The following DENND4A variants were observed in gnomAD, a reference collection of about 807,000 sequenced individuals.
The protein encoded by DENND4A is C-myc promoter-binding protein.
Under a neutral mutation model 199.3 loss-of-function variants are expected in DENND4A, and 70 were observed. That is an observed-to-expected ratio of 0.35 (90% confidence interval 0.29 to 0.43). The LOEUF (loss-of-function observed/expected upper bound fraction) is 0.43, where lower values mean the gene tolerates loss of function less well. Among genes scored for constraint, DENND4A ranks in the 20% least tolerant of loss-of-function variants. The pLI, the probability that DENND4A is intolerant of heterozygous loss-of-function variation, is 1.00. For missense variants in DENND4A, 1,723 were observed against 2,255.8 expected, an observed-to-expected ratio of 0.76 and a Z score of 4.78; for synonymous variants, 686 against 766.9, an observed-to-expected ratio of 0.89 and a Z score of 1.74.
At chr15:65,685,678 A>C (rs769032491) in intron 23 of DENND4A, among the ~76,000 whole-genome samples, 7 of 152,320 alleles carry the variant, frequency 4.6e-5, no homozygotes, top group Admixed American at 3.3e-4. Flanking sequence ...TAATATTTTC[A>C]ATCTGTGGTT....
chr15:65,716,012 T>C (rs949718349), intron 13 of DENND4A, among the ~76,000 whole-genome samples: 6 of 151,980 alleles, frequency 3.9e-5, no homozygotes, highest in East Asian at 3.9e-4. Context: ...GCAGTAACAT[T>C]CCCTCGTATT....
chr15:65,743,852 C>T (rs547238854), intron 4 of DENND4A, among the ~76,000 whole-genome samples: 1 of 152,252 alleles, frequency 6.6e-6, no homozygotes, highest in Non-Finnish European at 1.5e-5. Flanking sequence ...AAATGAAATA[C>T]TGATGGGAGA....
chr15:65,673,897 T>A (rs2076291932), intron 24 of DENND4A, among the ~76,000 whole-genome samples: 1 of 152,236 alleles, frequency 6.6e-6, no homozygotes, highest in South Asian at 2.1e-4. Flanking sequence ...ATCTAACTAA[T>A]CTACAGTATA....
chr15:65,667,643 T>C lies in DENND4A; in HGVS notation c.5047A>G (p.Ser1683Gly). The change falls in exon 29 of 33, where the codon AGT (serine) becomes GGT (glycine). Residue 1683 changes from serine (S) to glycine (G), a missense_variant. Physicochemically the swap from Ser to Gly is moderately conservative, Grantham distance 56 (BLOSUM62 0). Coordinates refer to ENST00000443035, the MANE Select transcript of DENND4A (RefSeq NM_001320835.1). ...SPDPVTVPYL[S>G]PLVVWKELES... is the part of the protein sequence containing the mutation. ...AGTTCTTTCCATACCACTAAAGGAC[T>C]AAGATACGGAACAGTGACAGGATCG... 6.2e-7 allele frequency: 1 copy of C among 1,613,926 alleles called. No individual in the cohort carries two copies. The highest frequency in any genetic ancestry group is 8.5e-7 in the Non-Finnish European group (1 of 1,179,818).
At chr15:65,748,985 C>A (rs2076489174) in intron 4 of DENND4A, among the ~76,000 whole-genome samples, 2 of 150,114 alleles carry the variant, frequency 1.3e-5, no homozygotes, top group Admixed American at 6.6e-5. Flanking sequence ...AGAACAAGAC[C>A]CTGTCTCTAA....
chr15:65,755,279 G>A (rs2076670884), intron 3 of DENND4A, among the ~76,000 whole-genome samples: 1 of 152,128 alleles, frequency 6.6e-6, no homozygotes, highest in African/African-American at 2.4e-5. Flanking sequence ...TTTCTTTTTG[G>A]CATGATAAAA....
intron 20 of DENND4A, among the ~76,000 whole-genome samples, chr15:65,698,770 C>T (rs2077246975): frequency 9.3e-6 from 1 of 107,716 alleles, no homozygotes; most frequent in African/African-American, 3.6e-5. Context: ...AGAGTCTCAA[C>T]TATGTTGCCC....
chr15:65,703,158 C>G (rs914440414), intron 15 of DENND4A, 150 bp from the exon 16 acceptor site: 1 of 638,872 alleles, frequency 1.6e-6, no homozygotes, highest in Non-Finnish European at 2.5e-6. Flanking sequence ...ATACACTCAA[C>G]AAATATTCAT....
intron 1 of DENND4A, among the ~76,000 whole-genome samples, chr15:65,768,139 C>T (rs2077032075): frequency 6.6e-6 from 1 of 152,014 alleles, no homozygotes; most frequent in Non-Finnish European, 1.5e-5. Context: ...GGACTATAGG[C>T]GCACACCACC....
chr15:65,771,845 C>T (rs2727102), intron 1 of DENND4A: 321,270 of 1,611,758 alleles, frequency 0.2, 39,947 homozygotes, highest in East Asian at 0.7. Flanking sequence ...CTTAAAACAG[C>T]ATAAGCATTC....
chr15:65,771,484 G>C (rs1214779955), intron 1 of DENND4A: 2 of 1,610,014 alleles, frequency 1.2e-6, no homozygotes, highest in African/African-American at 2.7e-5. Flanking sequence ...TGGGATAGAA[G>C]GAATAAGGAG....
intron 22 of DENND4A, among the ~76,000 whole-genome samples, chr15:65,692,852 C>T (rs1316762614): frequency 6.6e-6 from 1 of 152,100 alleles, no homozygotes; most frequent in African/African-American, 2.4e-5. Flanking sequence ...TTTGCAAAGT[C>T]AGTGATATGC....
chr15:65,719,642 C>A (rs2075543258), intron 12 of DENND4A, among the ~76,000 whole-genome samples: 1 of 152,092 alleles, frequency 6.6e-6, no homozygotes, highest in African/African-American at 2.4e-5. Flanking sequence ...GTAATCCTAG[C>A]ACTTTAGGAG....
Position 65,690,619 on chromosome 15 carries a change from A to G in DENND4A, c.3975T>C (p.Ser1325=), listed in dbSNP as rs182119018. Residue 1325 remains serine, a synonymous_variant, in exon 23 of 33, where the codon TCT becomes TCC. Coordinates refer to ENST00000443035, the MANE Select transcript of DENND4A (RefSeq NM_001320835.1). ...SEEKPRDRLW[S]SPAFSPTCPF... ...GGCAAGTAGGTGAGAAGGCTGGAGA[A>G]GACCAAAGTCTATCCCTTGGTTTCT... The G allele has an allele frequency of 1.3e-4, 212 of 1,613,732 alleles. 1 individual carries two copies. The African/African-American group carries it at 2.5e-3, about 19-fold the overall frequency.
intron 22 of DENND4A, among the ~76,000 whole-genome samples, chr15:65,695,355 A>G (rs1196438924): frequency 6.6e-6 from 1 of 152,230 alleles, no homozygotes; most frequent in Non-Finnish European, 1.5e-5. Flanking sequence ...AACTTTATGA[A>G]AACTGATGTT....
intron 1 of DENND4A, among the ~76,000 whole-genome samples, chr15:65,787,953 G>A (rs533463586): frequency 2.1e-4 from 32 of 152,298 alleles, no homozygotes; most frequent in African/African-American, 7.7e-4. Context: ...CCATCAATAC[G>A]TGGCACTGTC....
At position 65,691,254 on chromosome 15, in the gene DENND4A, C is replaced by T; in HGVS notation, c.3340G>A (p.Val1114Ile). ...LGADAKILSN[V>I]ISKSTRPNTL... The stretch of plus-strand genomic sequence containing the variant: ...TTTGGTCTCGTGCTTTTTGAGATAA[C>T]ATTTGAAAGAATTTTTGCATCAGCT... The change falls in exon 23 of 33, where the codon GTT (valine) becomes ATT (isoleucine). Residue 1114 changes from valine (V) to isoleucine (I), a missense_variant. By Grantham distance (29) the Val-to-Ile change is conservative. Transcript: ENST00000443035. 1.2e-6 allele frequency: 2 copies of T among 1,613,084 alleles called. No individual in the cohort carries two copies. Among genetic ancestry groups the T allele is most frequent in the South Asian group, 1.1e-5 (1 of 90,974 alleles).
intron 23 of DENND4A, among the ~76,000 whole-genome samples, chr15:65,687,569 T>C (rs533975753): frequency 1.3e-5 from 2 of 152,328 alleles, no homozygotes; most frequent in East Asian, 3.9e-4. Context: ...CCATTGCTCA[T>C]GAATTATTTT....
chr15:65,783,681 C>CA (rs1567109602), intron 1 of DENND4A, among the ~76,000 whole-genome samples: 2 of 151,696 alleles, frequency 1.3e-5, no homozygotes, highest in Admixed American at 6.6e-5. Flanking sequence ...AGGAAGTACT[C>CA]AAAAAACAAA....
Sources: allele counts gnomAD v4.1 joint callset (sites outside exome capture counted in the v4.1 genomes callset), GRCh38; gene constraint gnomAD v4.1.1; transcripts MANE v1.5; gene names NCBI Gene and HGNC (gene_info 2026-07-23, HGNC 2026-07-21).